PEMT: variants seen among roughly 807,000 people sequenced by gnomAD.
PEMT encodes the protein phospholipid methyltransferase.
In PEMT, 23 loss-of-function variants were observed where a neutral mutation model predicts 27.4. The ratio of observed to expected loss-of-function variants is 0.84; its 90% CI spans 0.60 to 1.19. The LOEUF is 1.19. Ranked by LOEUF, PEMT falls within the 50% of genes most tolerant of loss-of-function variation. The pLI is 0.00. For missense variants in PEMT, 307 were observed against 310.1 expected (o/e 0.99, Z 0.07); for synonymous variants, 137 against 139.1 (o/e 0.98, Z 0.11).
intron 2 of PEMT, among the ~76,000 whole-genome samples, chr17:17,567,371 C>A (rs1910896179): frequency 6.6e-6 from 1 of 152,292 alleles, no homozygotes; most frequent in Admixed American, 6.5e-5. Context: ...ATAGCAGAGG[C>A]TCCCCACCAG....
At chr17:17,528,892 G>C (rs1471534324) in intron 2 of PEMT, among the ~76,000 whole-genome samples, 8 of 152,222 alleles carry the variant, frequency 5.3e-5, no homozygotes, top group South Asian at 2.1e-4. Context: ...CCAGCAGCAT[G>C]AGGACAGCCC....
chr17:17,550,755 G>C (rs1439357133), intron 2 of PEMT, among the ~76,000 whole-genome samples: 2 of 152,152 alleles, frequency 1.3e-5, no homozygotes, highest in Non-Finnish European at 2.9e-5. Flanking sequence ...TCCATCACAG[G>C]ACACACTCGC....
intron 2 of PEMT, among the ~76,000 whole-genome samples, chr17:17,559,925 C>T (rs1348658643): frequency 3.3e-5 from 5 of 152,302 alleles, no homozygotes; most frequent in Admixed American, 3.3e-4. Context: ...TGAGTGGGCC[C>T]CACCTGAGTG....
chr17:17,584,842 C>T (rs1057076660), intron 1 of PEMT, among the ~76,000 whole-genome samples: 6 of 152,336 alleles, frequency 3.9e-5, no homozygotes, highest in Admixed American at 6.5e-5. Flanking sequence ...CATCTCCCCT[C>T]GCTGAGCACC....
chr17:17,526,032 C>T (rs564146092), intron 2 of PEMT, among the ~76,000 whole-genome samples: 34 of 152,184 alleles, frequency 2.2e-4, no homozygotes, highest in Admixed American at 1.6e-3. Context: ...TTTGGTGCAA[C>T]CTGTCCCATG....
intron 2 of PEMT, among the ~76,000 whole-genome samples, chr17:17,536,480 G>A (rs749186787): frequency 6.6e-6 from 1 of 152,142 alleles, no homozygotes; most frequent in Non-Finnish European, 1.5e-5. Flanking sequence ...GTCTGCCTCC[G>A]GGTCCGAAGC....
intron 1 of PEMT, among the ~76,000 whole-genome samples, chr17:17,590,965 G>T (rs972507402): frequency 6.6e-6 from 1 of 152,268 alleles, no homozygotes. Flanking sequence ...GCTGGGTGGT[G>T]GTCTGCAGCC....
chr17:17,519,308 G>A (rs1343645786), intron 3 of PEMT, among the ~76,000 whole-genome samples: 2 of 152,326 alleles, frequency 1.3e-5, no homozygotes, highest in East Asian at 3.9e-4. Flanking sequence ...AAGGTGAGAG[G>A]AGAAAAGCAG....
chr17:17,564,644 G>C (rs957456419), intron 2 of PEMT, among the ~76,000 whole-genome samples: 1 of 152,170 alleles, frequency 6.6e-6, no homozygotes, highest in African/African-American at 2.4e-5. Flanking sequence ...TAAGTCCCAT[G>C]AGCAGCCCGC....
chr17:17,571,233 G>A (rs1040365615), intron 2 of PEMT, among the ~76,000 whole-genome samples: 5 of 152,018 alleles, frequency 3.3e-5, no homozygotes, highest in Admixed American at 1.3e-4. Context: ...GTGACTATTC[G>A]CTGAGCAAAT....
At chr17:17,590,185 T>C (rs1912519101) in intron 1 of PEMT, among the ~76,000 whole-genome samples, 1 of 152,048 alleles carries the variant, frequency 6.6e-6, no homozygotes, top group South Asian at 2.1e-4. Context: ...GCTGTAGGGG[T>C]AGGACCCATC....
At chr17:17,525,463 T>C (rs546646147) in intron 2 of PEMT, among the ~76,000 whole-genome samples, 1 of 152,338 alleles carries the variant, frequency 6.6e-6, no homozygotes, top group Admixed American at 6.5e-5. Context: ...CAGCTGCTCG[T>C]TTCATCCAAC....
intron 3 of PEMT, among the ~76,000 whole-genome samples, chr17:17,517,378 C>T (rs763007627): frequency 6.6e-6 from 1 of 152,242 alleles, no homozygotes; most frequent in South Asian, 2.1e-4. Context: ...CAGCAGGAGT[C>T]GCTTTTTTCT....
At chr17:17,541,839 C>A (rs188351984) in intron 2 of PEMT, among the ~76,000 whole-genome samples, 4 of 152,182 alleles carry the variant, frequency 2.6e-5, no homozygotes, top group Non-Finnish European at 4.4e-5. Context: ...CAGAGAGAAA[C>A]GGCTGCTACC....
intron 2 of PEMT, among the ~76,000 whole-genome samples, chr17:17,573,476 A>G (rs1259355103): frequency 2.6e-5 from 4 of 152,020 alleles, no homozygotes; most frequent in African/African-American, 9.7e-5. Flanking sequence ...CAAAAAAAAA[A>G]AAAAAGAAAA....
rs565803810 is a variant in PEMT, at chr17:17,549,613, C to T, written c.205-27218G>A. On this transcript the variant is annotated intron_variant, in intron 2 of 6. Coordinates refer to ENST00000255389, the MANE Select transcript of PEMT (RefSeq NM_148172.3). Reference sequence around the variant, plus strand: ...TCATGGGCCACTGTGCCCAGCCAACCGTGGCATTTTTTACCTTTTATTTTA... The same window carrying T: ...TCATGGGCCACTGTGCCCAGCCAACTGTGGCATTTTTTACCTTTTATTTTA... Among the ~76,000 whole-genome samples the T allele has an allele frequency of 5.4e-4, 82 of 152,324 alleles. 1 individual carries two copies. The highest frequency in any genetic ancestry group is 9.3e-4 in the Non-Finnish European group (63 of 68,026).
At chr17:17,550,726 A>G (rs1012420661) in intron 2 of PEMT, among the ~76,000 whole-genome samples, 1 of 152,190 alleles carries the variant, frequency 6.6e-6, no homozygotes, top group Non-Finnish European at 1.5e-5. Context: ...CAGGGCACAA[A>G]GCCTGGACAG....
At chr17:17,528,869 C>T (rs951711244) in intron 2 of PEMT, among the ~76,000 whole-genome samples, 1 of 152,242 alleles carries the variant, frequency 6.6e-6, no homozygotes, top group East Asian at 1.9e-4. Flanking sequence ...AGGCCGGCCC[C>T]GATGGCCCAG....
rs781696972 is a variant in PEMT at position 17,549,553 on chromosome 17, G to C, written c.205-27158C>G. ...ACTCCTGTGCCCAAGCAATCCACCT[G>C]CCTCACTCAACCTCACAAAATGCTG... On this transcript the variant is annotated intron_variant, in intron 2 of 6. Coordinates refer to ENST00000255389, the MANE Select transcript of PEMT (RefSeq NM_148172.3). Among the ~76,000 whole-genome samples, 6 of 152,170 alleles carry C rather than the reference G, an allele frequency of 3.9e-5. 1 individual carries two copies. The highest frequency in any genetic ancestry group is 8.8e-5 in the Non-Finnish European group (6 of 68,034).
Sources: gnomAD v4.1 joint callset for allele counts (sites outside exome capture counted in the v4.1 genomes callset) on GRCh38, gnomAD v4.1.1 for gene constraint, MANE v1.5 for transcripts, NCBI Gene and HGNC (gene_info 2026-07-23, HGNC 2026-07-21) for gene names.